Variants in SAE1 observed in about 807,000 individuals in gnomAD.
The protein encoded by SAE1 is SUMO-activating enzyme subunit 1.
SAE1 carries 11 observed loss-of-function variants against 40.6 expected under a neutral mutation model. The observed-to-expected ratio is 0.27, with a 90% CI of 0.17 to 0.45. The LOEUF is 0.45. Among genes scored for constraint, SAE1 ranks in the 20% least tolerant of loss-of-function variants. SAE1 has a pLI of 1.00. For synonymous variants in SAE1, 155 were observed against 154.3 expected (o/e 1.00, Z -0.03); for missense variants, 373 against 427.3 (o/e 0.87, Z 1.12).
intron 5 of SAE1, among the ~76,000 whole-genome samples, chr19:47,158,804 A>C (rs1258397723): frequency 6.6e-6 from 1 of 152,226 alleles, no homozygotes; most frequent in Non-Finnish European, 1.5e-5. Flanking sequence ...GACCAAGGCC[A>C]CACAGCTGTG....
chr19:47,179,114 C>T (rs2058488407), intron 6 of SAE1, among the ~76,000 whole-genome samples: 1 of 150,968 alleles, frequency 6.6e-6, no homozygotes, highest in South Asian at 2.1e-4. Context: ...ATGGTGTGAA[C>T]CCGGGAGGCA....
At chr19:47,137,814 C>T (rs1415513046) in intron 1 of SAE1, among the ~76,000 whole-genome samples, 5 of 151,138 alleles carry the variant, frequency 3.3e-5, no homozygotes, top group Admixed American at 2.6e-4. Context: ...CTGCAACCTC[C>T]GCCTCCTGAG....
intron 6 of SAE1, among the ~76,000 whole-genome samples, chr19:47,174,563 A>ATTTTTTTTTTTTTTTTTTTTTTTTTTTT (rs71180803): frequency 1.1e-5 from 1 of 88,526 alleles, no homozygotes; most frequent in African/African-American, 5.0e-5. Flanking sequence ...CGCCTGGCAA[A>ATTTTTTTTTTTTTTTTTTTTTTTTTTTT]TTTTTTTTTT....
intron 6 of SAE1, chr19:47,180,144 A>G (rs1014435679): frequency 4.4e-6 from 2 of 455,826 alleles, no homozygotes; most frequent in South Asian, 3.1e-5. Flanking sequence ...TTTATTTCCT[A>G]GAATTGTTTC....
intron 1 of SAE1, 120 bp downstream of exon 1, chr19:47,131,148 T>C: frequency 1.5e-5 from 21 of 1,429,852 alleles, no homozygotes; most frequent in Non-Finnish European, 1.9e-5. Context: ...AATTCTGTGC[T>C]CTGGGATCGT....
At chr19:47,198,418 TCTC>T (rs1225093717) in intron 7 of SAE1, among the ~76,000 whole-genome samples, 1 of 151,998 alleles carries the variant, frequency 6.6e-6, no homozygotes, top group Admixed American at 6.6e-5. Context: ...TCCATCCACA[TCTC>T]CTTCCAAGCA....
intron 2 of SAE1, among the ~76,000 whole-genome samples, chr19:47,149,238 G>A (rs2058272763): frequency 2.1e-5 from 3 of 141,714 alleles, no homozygotes; most frequent in East Asian, 2.1e-4. Flanking sequence ...TGGTGCAATC[G>A]CAGCTCACTG....
intron 1 of SAE1, among the ~76,000 whole-genome samples, chr19:47,132,430 T>G (rs540126192): frequency 2.6e-4 from 39 of 151,638 alleles, no homozygotes; most frequent in African/African-American, 7.0e-4. Context: ...TTTTGTTTTT[T>G]TTTTTTTTTG....
rs141948719 is a variant in SAE1, at chr19:47,192,258, G to A, written c.734-4975G>A. ...GTTTGTTGTTGTTGTTGTTGTCGTCGTTGTTGTTTTGAGACAGAGTCTCGC... is the reference window on the plus strand; with the variant it reads ...GTTTGTTGTTGTTGTTGTTGTCGTCATTGTTGTTTTGAGACAGAGTCTCGC... On this transcript the variant is annotated intron_variant, in intron 6 of 8. Coordinates refer to ENST00000270225, the MANE Select transcript of SAE1 (RefSeq NM_005500.3). Among the ~76,000 whole-genome samples the A allele has an allele frequency of 3.7e-3, 568 of 151,682 alleles. 1 individual carries two copies. The highest frequency in any genetic ancestry group is 0.013 in the African/African-American group (526 of 41,390).
At chr19:47,205,090 T>C (rs1012962847) in intron 8 of SAE1, among the ~76,000 whole-genome samples, 3 of 152,228 alleles carry the variant, frequency 2.0e-5, no homozygotes, top group South Asian at 2.1e-4. Flanking sequence ...AGATGTTAAA[T>C]TTGCCTTTTG....
Position 47,143,587 on chromosome 19 carries a change from C to T in SAE1, c.192C>T (p.Thr64=), listed in dbSNP as rs137870485. The T allele has an allele frequency of 3.7e-6, 6 of 1,613,564 alleles. No individual in the cohort carries two copies. The African/African-American group carries it at 5.3e-5, about 14-fold the overall frequency. The part of the protein sequence containing the change: ...NLILAGVKGL[T]MLDHEQVTPE... ...TCTTGGCAGGAGTGAAAGGACTGAC[C>T]ATGCTGGATCACGAACAGGTGCGCT... is the stretch of plus-strand genomic sequence containing the variant. The change falls in exon 2 of 9, where the codon ACC becomes ACT. Residue 64 remains threonine, a synonymous_variant. Transcript: ENST00000270225.
intron 2 of SAE1, among the ~76,000 whole-genome samples, chr19:47,144,918 G>T (rs1026138223): frequency 6.6e-6 from 1 of 152,144 alleles, no homozygotes; most frequent in Non-Finnish European, 1.5e-5. Flanking sequence ...TGCAACCTCC[G>T]CTTCCCGGGC....
intron 6 of SAE1, among the ~76,000 whole-genome samples, chr19:47,186,227 G>C (rs906164494): frequency 2.6e-5 from 4 of 151,060 alleles, no homozygotes; most frequent in Non-Finnish European, 5.9e-5. Flanking sequence ...GCAACAGAGA[G>C]AGACTCTGTC....
chr19:47,183,435 CTCAG>C (rs1243661342), intron 6 of SAE1, among the ~76,000 whole-genome samples: 3 of 152,150 alleles, frequency 2.0e-5, no homozygotes, highest in South Asian at 2.1e-4. Context: ...CAACAAAGTG[CTCAG>C]TCAGACTTTA....
At chr19:47,153,850 G>A (rs912010927) in intron 4 of SAE1, among the ~76,000 whole-genome samples, 6 of 152,008 alleles carry the variant, frequency 3.9e-5, no homozygotes, top group African/African-American at 1.4e-4. Context: ...GGAGTGCAAT[G>A]GCACCATCTC....
intron 6 of SAE1, among the ~76,000 whole-genome samples, 200 bp from the exon 7 acceptor site, chr19:47,197,033 T>C (rs1443742796): frequency 6.6e-6 from 1 of 151,886 alleles, no homozygotes; most frequent in Non-Finnish European, 1.5e-5. Flanking sequence ...ATACAAAAAT[T>C]AGCCAGGCAT....
At chr19:47,133,836 T>C (rs1806995677) in intron 1 of SAE1, among the ~76,000 whole-genome samples, 1 of 151,796 alleles carries the variant, frequency 6.6e-6, no homozygotes, top group South Asian at 2.1e-4. Flanking sequence ...GTCAGTTCTC[T>C]TTTAGGTTTC....
chr19:47,203,183 T>TGTGGGTTG (rs1161532371), intron 7 of SAE1, among the ~76,000 whole-genome samples: 1 of 152,222 alleles, frequency 6.6e-6, no homozygotes, highest in African/African-American at 2.4e-5. Flanking sequence ...CTGGTTTCTA[T>TGTGGGTTG]GTGGGTTGTG....
At chr19:47,188,810 A>T (rs1306472752) in intron 6 of SAE1, among the ~76,000 whole-genome samples, 1 of 152,136 alleles carries the variant, frequency 6.6e-6, no homozygotes, top group Non-Finnish European at 1.5e-5. Flanking sequence ...CAGGCCAGGG[A>T]CAGGCTTTGC....
Sources: gnomAD v4.1 joint callset for allele counts (sites outside exome capture counted in the v4.1 genomes callset) on GRCh38, gnomAD v4.1.1 for gene constraint, MANE v1.5 for transcripts, NCBI Gene and HGNC (gene_info 2026-07-23, HGNC 2026-07-21) for gene names.